The following POLA2 variants were observed in gnomAD, a reference collection of about 807,000 sequenced individuals.
POLA2 encodes DNA polymerase alpha subunit B.
In POLA2, 47 loss-of-function variants were observed where a neutral mutation model predicts 82.8. The observed-to-expected ratio is 0.57, with a 90% CI of 0.45 to 0.72. The LOEUF is 0.72. Ranked by LOEUF, POLA2 falls within the 30% of genes least tolerant of loss-of-function variation. The pLI is 0.00. For missense variants in POLA2, 634 were observed against 728.1 expected (o/e 0.87, Z 1.49); for synonymous variants, 287 against 286.8 (o/e 1.00, Z -0.01).
intron 13 of POLA2, among the ~76,000 whole-genome samples, chr11:65,292,401 G>C (rs567435386): frequency 6.6e-6 from 1 of 152,194 alleles, no homozygotes; most frequent in Non-Finnish European, 1.5e-5. Context: ...CCTTCTATAG[G>C]CGCTTTCTAA....
At chr11:65,268,411 G>A (rs1336925214) in intron 3 of POLA2, among the ~76,000 whole-genome samples, 3 of 151,120 alleles carry the variant, frequency 2.0e-5, no homozygotes, top group Non-Finnish European at 4.4e-5. Context: ...GAGTGCAGTG[G>A]TGTGATCTCA....
At chr11:65,302,488 G>A (rs144141597), downstream of POLA2, among the ~76,000 whole-genome samples, 2,690 of 152,188 alleles carry the variant, frequency 0.018, 280 homozygotes, top group Admixed American at 0.16. Flanking sequence ...AAAGGAGAAG[G>A]CACCATCACT....
chr11:65,293,369 G>C (rs565976398), intron 13 of POLA2, among the ~76,000 whole-genome samples: 2 of 152,186 alleles, frequency 1.3e-5, no homozygotes, highest in Non-Finnish European at 2.9e-5. Context: ...CAACACTTTG[G>C]GAGGCCAAGG....
At chr11:65,291,501 T>G (rs551490540) in intron 13 of POLA2, among the ~76,000 whole-genome samples, 10 of 152,334 alleles carry the variant, frequency 6.6e-5, no homozygotes, top group African/African-American at 2.4e-4. Context: ...TGCAGGTGCC[T>G]TCCCTCTTCC....
downstream of POLA2, among the ~76,000 whole-genome samples, chr11:65,300,510 C>T (rs1231646719): frequency 6.6e-6 from 1 of 151,978 alleles, no homozygotes; most frequent in African/African-American, 2.4e-5. Flanking sequence ...CCTCGGCCTC[C>T]CAAAGTGTTG....
intron 16 of POLA2, 127 bp from the exon 17 acceptor site, chr11:65,295,737 C>CCA (rs1949803123): frequency 3.0e-6 from 4 of 1,329,582 alleles, no homozygotes; most frequent in African/African-American, 1.5e-5. Flanking sequence ...GCATTCTGCC[C>CCA]CACACACACA....
At chr11:65,278,028 AC>A (rs1259119202) in intron 5 of POLA2, among the ~76,000 whole-genome samples, 1 of 151,988 alleles carries the variant, frequency 6.6e-6, no homozygotes, top group African/African-American at 2.4e-5. Context: ...TTTTAAATAG[AC>A]CTCTCTGTAC....
intron 17 of POLA2, 42 bp from the exon 18 acceptor site, chr11:65,297,078 G>C: frequency 6.2e-7 from 1 of 1,610,212 alleles, no homozygotes; most frequent in Non-Finnish European, 8.5e-7. Flanking sequence ...TTCCCAGTTA[G>C]TTGAGGCTCT....
chr11:65,296,076 T>A, intron 17 of POLA2, 86 bp downstream of exon 17: 1 of 1,476,714 alleles, frequency 6.8e-7, no homozygotes, highest in East Asian at 2.3e-5. Flanking sequence ...TCACCCCTCA[T>A]GGGTCAGCTG....
rs1189026028 is a variant in POLA2, at chr11:65,298,235, CCT to C, written c.*970_*971del. The C allele has an allele frequency of 6.6e-6, 1 of 152,414 alleles. No individual in the cohort carries two copies. Among genetic ancestry groups the C allele is most frequent in the African/African-American group, 2.4e-5 (1 of 41,476 alleles). 9.4% of individuals were successfully genotyped at this position (152,414 alleles called of 1,614,324 possible). On this transcript the variant is annotated 3_prime_UTR_variant, in exon 18 of 18. Coordinates refer to ENST00000265465, the MANE Select transcript of POLA2 (RefSeq NM_002689.4). ...CATGCATGCTGTGGTCCCAGCCTGA[CCT>C]CTCCATCTGGAGGGGGCCGCCTCGC...
chr11:65,273,500 G>A (rs1314473849), intron 4 of POLA2, among the ~76,000 whole-genome samples: 1 of 152,164 alleles, frequency 6.6e-6, no homozygotes, highest in African/African-American at 2.4e-5. Flanking sequence ...TTACCAAAGT[G>A]CTGTCACCTT....
chr11:65,269,010 A>G (rs914866681), intron 4 of POLA2, among the ~76,000 whole-genome samples: 1 of 152,222 alleles, frequency 6.6e-6, no homozygotes, highest in African/African-American at 2.4e-5. Context: ...GTTTTATACT[A>G]TAATTGAATA....
downstream of POLA2, chr11:65,298,701 T>C (rs1949839589): frequency 6.6e-6 from 1 of 152,236 alleles, no homozygotes; most frequent in Non-Finnish European, 1.5e-5. Flanking sequence ...AGCTGTTTTA[T>C]TTCATTAGTT....
chr11:65,304,868 G>A (rs1949878316), intron 8 of POLA2, among the ~76,000 whole-genome samples: 3 of 152,278 alleles, frequency 2.0e-5, no homozygotes, highest in South Asian at 4.1e-4. Context: ...GGCAGCACAC[G>A]AACAGGGCAC....
chr11:65,289,802 T>A lies in POLA2; in HGVS notation c.1174T>A (p.Cys392Ser), dbSNP rs1210646210. 2 of 1,601,896 alleles carry A rather than the reference T, an allele frequency of 1.2e-6. No homozygotes were observed. The change falls in exon 13 of 18, where the codon TGT becomes AGT. Residue 392 changes from cysteine (C) to serine (S), a missense_variant. Physicochemically the swap from Cys to Ser is moderately radical, Grantham distance 112. Coordinates refer to ENST00000265465, the MANE Select transcript of POLA2 (RefSeq NM_002689.4). The stretch of plus-strand genomic sequence containing the variant: ...TGTCTCCTTTCCTTTCTTGCAGAAT[T>A]GTCTACTGACAAGTCCATTTGAAGA... ...LDAKHEQVEN[C>S]LLTSPFEDIF...
intron 8 of POLA2, 124 bp from the exon 9 acceptor site, chr11:65,281,546 T>C: frequency 1.4e-6 from 1 of 708,002 alleles, no homozygotes; most frequent in Admixed American, 2.4e-5. Flanking sequence ...TCTACAAAAA[T>C]GCCCTAAGTT....
intron 13 of POLA2, among the ~76,000 whole-genome samples, chr11:65,293,502 C>T (rs1485385681): frequency 1.3e-5 from 2 of 149,958 alleles, no homozygotes; most frequent in Admixed American, 6.7e-5. Context: ...TGTAGCTACT[C>T]GGGAGGCTGA....
Position 65,262,219 on chromosome 11 carries a change from G to C in POLA2, c.-74G>C, listed in dbSNP as rs1949405232. On this transcript the variant is annotated 5_prime_UTR_variant, in exon 1 of 18. Coordinates refer to ENST00000265465, the MANE Select transcript of POLA2 (RefSeq NM_002689.4). ...TAAGAGGGCGAGGAGCTCATCGCTC[G>C]CCACCCCCGTGGGCTTCTTGGGCGC... 7.6e-6 allele frequency: 9 copies of C among 1,182,376 alleles called. No individual in the cohort carries two copies. The highest frequency in any genetic ancestry group is 1.1e-5 in the Non-Finnish European group (9 of 809,032). The allele number at this position is 1,182,376 out of a possible 1,614,324, so 73.2% of individuals were successfully genotyped here.
At chr11:65,288,997 G>A in intron 11 of POLA2, 53 bp from the exon 12 acceptor site, 3 of 1,550,672 alleles carry the variant, frequency 1.9e-6, no homozygotes, top group Admixed American at 3.4e-5. Context: ...GTCATTCACA[G>A]ACACAAGTGA....
Sources: allele counts gnomAD v4.1 joint callset (sites outside exome capture counted in the v4.1 genomes callset), GRCh38; gene constraint gnomAD v4.1.1; transcripts MANE v1.5; gene names NCBI Gene and HGNC (gene_info 2026-07-23, HGNC 2026-07-21).